Variants in TGFBR1 observed in about 807,000 individuals in gnomAD.
TGFBR1 encodes the protein transforming growth factor beta receptor 1, also known as TGF-beta receptor type-1.
In TGFBR1, 20 loss-of-function variants were observed where a neutral mutation model predicts 55.1. That is an observed-to-expected ratio of 0.36 (90% confidence interval 0.26 to 0.53). TGFBR1 has a LOEUF of 0.53. Among genes scored for constraint, TGFBR1 ranks in the 20% least tolerant of loss-of-function variants. TGFBR1 has a pLI of 0.91. For missense variants in TGFBR1, 385 were observed against 617.6 expected, an observed-to-expected ratio of 0.62 and a Z score of 3.99; for synonymous variants, 220 against 214.8, an observed-to-expected ratio of 1.02 and a Z score of -0.21.
Position 99,152,982 on chromosome 9 carries a change from T to A in TGFBR1, c.*3677T>A, listed in dbSNP as rs1283423689. ...AAAATATGGTTAATAACATTCAACC[T>A]GTTTATTACAACTTAAAAGGAACTT... On this transcript the variant is annotated 3_prime_UTR_variant, in exon 9 of 9. Transcript: ENST00000374994. The A allele has an allele frequency of 4.4e-6, 1 of 228,990 alleles. No homozygotes were observed. The highest frequency in any genetic ancestry group is 8.7e-6 in the Non-Finnish European group (1 of 115,162). 14.2% of individuals were successfully genotyped at this position (228,990 alleles called of 1,614,324 possible).
At chr9:99,130,616 A>G (rs11568762) in intron 2 of TGFBR1, among the ~76,000 whole-genome samples, 8 of 152,168 alleles carry the variant, frequency 5.3e-5, no homozygotes, top group Non-Finnish European at 1.0e-4. Flanking sequence ...CTTATTTCTC[A>G]TGTTTCTAAT....
intron 3 of TGFBR1, among the ~76,000 whole-genome samples, chr9:99,137,391 C>T (rs1259018464): frequency 1.3e-5 from 2 of 152,114 alleles, no homozygotes; most frequent in Admixed American, 1.3e-4. Context: ...TTAAAGGTTC[C>T]TCTTTTACCT....
chr9:99,144,606 T>C (rs1827731832), intron 5 of TGFBR1, 126 bp from the exon 6 acceptor site: 3 of 1,007,998 alleles, frequency 3.0e-6, no homozygotes, highest in Non-Finnish European at 4.6e-6. Flanking sequence ...GCCGTAAGTA[T>C]TGTAGGTCAT....
intron 1 of TGFBR1, among the ~76,000 whole-genome samples, chr9:99,121,405 G>T (rs1826895454): frequency 6.6e-6 from 1 of 152,078 alleles, no homozygotes; most frequent in African/African-American, 2.4e-5. Flanking sequence ...TTAATAAAAA[G>T]AAAAGGAGAA....
chr9:99,118,257 A>G (rs751975840), intron 1 of TGFBR1, among the ~76,000 whole-genome samples: 34 of 152,170 alleles, frequency 2.2e-4, no homozygotes, highest in Non-Finnish European at 2.2e-4. Flanking sequence ...TTCCATGTAC[A>G]TAGTTGTCCT....
Position 99,152,515 on chromosome 9 carries a change from G to A in TGFBR1, c.*3210G>A, listed in dbSNP as rs1828005893. The A allele has an allele frequency of 4.3e-6, 1 of 230,818 alleles. No homozygotes were observed. Among genetic ancestry groups the A allele is most frequent in the African/African-American group, 2.2e-5 (1 of 45,310 alleles). 14.3% of individuals were successfully genotyped at this position (230,818 alleles called of 1,614,324 possible). On this transcript the variant is annotated 3_prime_UTR_variant, in exon 9 of 9. Coordinates refer to ENST00000374994, the MANE Select transcript of TGFBR1 (RefSeq NM_004612.4). ...TACAAAATGTAAGTGGTCACTTGGC[G>A]ATTTTGTAGTACATGCATGAGTTAC...
chr9:99,142,838 C>T, intron 5 of TGFBR1, 135 bp downstream of exon 5: 8 of 954,826 alleles, frequency 8.4e-6, no homozygotes, highest in African/African-American at 3.3e-5. Context: ...GTGGGCAGAT[C>T]GCCCGATCTC....
chr9:99,105,447 C>T (rs1826381411), intron 1 of TGFBR1, 145 bp downstream of exon 1: 4 of 723,872 alleles, frequency 5.5e-6, no homozygotes, highest in African/African-American at 1.9e-5. Context: ...CTCGTGGCGC[C>T]GCGCGGCTCG....
Position 99,149,511 on chromosome 9 carries a change from G to A in TGFBR1, c.*206G>A, listed in dbSNP as rs199609928. The A allele has an allele frequency of 2.4e-5, 14 of 575,782 alleles. 1 individual carries two copies. The highest frequency in any genetic ancestry group is 2.1e-4 in the East Asian group (7 of 32,712). The allele number at this position is 575,782 out of a possible 1,614,324, so 35.7% of individuals were successfully genotyped here. On this transcript the variant is annotated 3_prime_UTR_variant, in exon 9 of 9. Transcript: ENST00000374994. ...TGGGTCCTTTCTGTGCACTATGAAC[G>A]CTTCTTTCCCAGGACAGAAAATGTG...
chr9:99,147,184 G>C (rs1400933872), intron 7 of TGFBR1, among the ~76,000 whole-genome samples: 16 of 152,296 alleles, frequency 1.1e-4, no homozygotes, highest in Non-Finnish European at 2.9e-5. Context: ...GTGAGGGACA[G>C]AGTATTTCTC....
intron 1 of TGFBR1, among the ~76,000 whole-genome samples, chr9:99,123,790 G>A (rs994088723): frequency 2.0e-5 from 3 of 152,086 alleles, no homozygotes; most frequent in Non-Finnish European, 4.4e-5. Flanking sequence ...CACTACTTTT[G>A]GGAAGAAGTT....
intron 1 of TGFBR1, among the ~76,000 whole-genome samples, chr9:99,118,121 T>G (rs1409344587): frequency 2.6e-5 from 4 of 152,206 alleles, no homozygotes; most frequent in African/African-American, 7.2e-5. Context: ...CGTTTTCTAT[T>G]TATTACTGGT....
At position 99,128,956 on chromosome 9, in the gene TGFBR1, C is replaced by T. The variant is rs766157497; in HGVS notation, c.199C>T (p.His67Tyr). Residue 67 changes from histidine to tyrosine, a missense_variant, in exon 2 of 9, where the codon CAC (histidine) becomes TAC (tyrosine). Coordinates refer to ENST00000374994, the MANE Select transcript of TGFBR1 (RefSeq NM_004612.4). Reference protein sequence around the residue: ...SVTETTDKVIHNSMCIAEIDL... With the variant: ...SVTETTDKVIYNSMCIAEIDL... The stretch of plus-strand genomic sequence containing the variant: ...CACAGAGACCACAGACAAAGTTATA[C>T]ACAACAGCATGTGTATAGCTGAAAT... The T allele has an allele frequency of 7.4e-6, 12 of 1,613,858 alleles. No homozygotes were observed. The African/African-American group carries it at 1.6e-4, about 22-fold the overall frequency.
chr9:99,113,881 A>G (rs1203918940), intron 1 of TGFBR1, among the ~76,000 whole-genome samples: 1 of 152,202 alleles, frequency 6.6e-6, no homozygotes, highest in African/African-American at 2.4e-5. Context: ...CCCTGGAACT[A>G]TTCAGGCAGA....
chr9:99,153,400 C>T lies in TGFBR1; in HGVS notation c.*4095C>T, dbSNP rs200932500. ...TCTTTAGGCTTTATCAGTGTAATCT[C>T]TGCCTTTTAAGATATGTACAGAAAA... On this transcript the variant is annotated 3_prime_UTR_variant, in exon 9 of 9. Transcript: ENST00000374994. 2.8e-5 allele frequency: 6 copies of T among 215,626 alleles called. No individual in the cohort carries two copies. Among genetic ancestry groups the T allele is most frequent in the Non-Finnish European group, 5.6e-5 (6 of 106,710 alleles). 13.4% of individuals were successfully genotyped at this position (215,626 alleles called of 1,614,324 possible). A position where few individuals can be genotyped will look rare whatever the true frequency, so the allele number is the denominator to read the frequency against.
chr9:99,134,147 CTATT>C (rs1455921789), intron 3 of TGFBR1, among the ~76,000 whole-genome samples: 4 of 151,946 alleles, frequency 2.6e-5, no homozygotes, highest in Admixed American at 6.6e-5. Context: ...TGACAAATGT[CTATT>C]TATTTTAAGG....
At chr9:99,142,834 A>C in intron 5 of TGFBR1, 131 bp downstream of exon 5, 2 of 977,414 alleles carry the variant, frequency 2.0e-6, no homozygotes, top group Non-Finnish European at 3.1e-6. Context: ...TGAGGTGGGC[A>C]GATCGCCCGA....
At chr9:99,136,947 A>T (rs142726426) in intron 3 of TGFBR1, among the ~76,000 whole-genome samples, 132 of 152,306 alleles carry the variant, frequency 8.7e-4, no homozygotes, top group African/African-American at 3.0e-3. Flanking sequence ...GTAATTTAAA[A>T]TGACACTTAC....
chr9:99,124,817 A>G (rs1826990994), intron 1 of TGFBR1, among the ~76,000 whole-genome samples: 7 of 152,270 alleles, frequency 4.6e-5, no homozygotes, highest in African/African-American at 1.7e-4. Context: ...TTGAAAGAGT[A>G]GTTAAGAAAA....
Sources: allele counts gnomAD v4.1 joint callset (sites outside exome capture counted in the v4.1 genomes callset), GRCh38; gene constraint gnomAD v4.1.1; transcripts MANE v1.5; gene names NCBI Gene and HGNC (gene_info 2026-07-23, HGNC 2026-07-21).